The following RBFOX1 variants were observed in gnomAD, a reference collection of about 807,000 sequenced individuals.
The protein encoded by RBFOX1 is RNA binding fox-1 homolog 1.
RBFOX1 carries 8 observed loss-of-function variants against 57.7 expected under a neutral mutation model. The observed-to-expected ratio is 0.14, with a 90% CI of 0.08 to 0.25. The LOEUF is 0.25. Ranked by LOEUF, RBFOX1 falls within the 10% of genes least tolerant of loss-of-function variation. RBFOX1 has a pLI of 1.00. For missense variants in RBFOX1, 611 were observed against 548.5 expected, an observed-to-expected ratio of 1.11 and a Z score of -1.14; for synonymous variants, 326 against 222.4, an observed-to-expected ratio of 1.47 and a Z score of -4.15.
At chr16:6,791,736 G>T (rs773206532) in intron 3 of RBFOX1, among the ~76,000 whole-genome samples, 11 of 152,060 alleles carry the variant, frequency 7.2e-5, no homozygotes, top group Non-Finnish European at 1.6e-4. Flanking sequence ...ACTGCAGCCT[G>T]GGGGAAAGAG....
At chr16:6,978,243 C>A (rs972325519) in intron 3 of RBFOX1, among the ~76,000 whole-genome samples, 1 of 152,162 alleles carries the variant, frequency 6.6e-6, no homozygotes, top group African/African-American at 2.4e-5. Flanking sequence ...AGTTTCTAGC[C>A]TTGGAGAGCG....
chr16:5,656,331 C>T (rs1464633406), intron 3 of RBFOX1, among the ~76,000 whole-genome samples: 2 of 152,056 alleles, frequency 1.3e-5, no homozygotes, highest in African/African-American at 2.4e-5. Context: ...TCATTAAAAT[C>T]GTTATTTTTG....
intron 14 of RBFOX1, among the ~76,000 whole-genome samples, chr16:7,679,715 C>T (rs1426659127): frequency 2.0e-5 from 3 of 151,898 alleles, no homozygotes; most frequent in Admixed American, 6.6e-5. Flanking sequence ...TAATGGGCAC[C>T]TTGCAACTCC....
chr16:6,712,131 A>G (rs1486199342), intron 3 of RBFOX1, among the ~76,000 whole-genome samples: 1 of 152,190 alleles, frequency 6.6e-6, no homozygotes, highest in African/African-American at 2.4e-5. Context: ...TATTTATTGA[A>G]TGAATGAATG....
chr16:6,978,843 T>A (rs2087840463), intron 3 of RBFOX1, among the ~76,000 whole-genome samples: 1 of 152,190 alleles, frequency 6.6e-6, no homozygotes, highest in Non-Finnish European at 1.5e-5. Flanking sequence ...TTCAATCCCC[T>A]TCGCGCAGAG....
rs1045596467 is a variant in RBFOX1, at chr16:5,396,558, C to G, written c.220-70658C>G. Among the ~76,000 whole-genome samples, 3 of 152,182 alleles carry G rather than the reference C, an allele frequency of 2.0e-5. No homozygotes were observed. In the East Asian group the frequency reaches 5.8e-4, roughly 29 times the overall value. On this transcript the variant is annotated intron_variant, in intron 1 of 2. Coordinates refer to the RBFOX1 transcript ENST00000585867. Reference sequence around the variant, plus strand: ...TCAGGAGGCTGAGGCACAAGAATCACTTGAACTCAGGCGGCAGAGGTTGCA... The same window carrying G: ...TCAGGAGGCTGAGGCACAAGAATCAGTTGAACTCAGGCGGCAGAGGTTGCA...
At chr16:6,324,032 C>CA (rs1257454904) in intron 2 of RBFOX1, among the ~76,000 whole-genome samples, 1 of 152,182 alleles carries the variant, frequency 6.6e-6, no homozygotes, top group African/African-American at 2.4e-5. Flanking sequence ...CTCAGCCTCC[C>CA]AAAGTGCTGA....
intron 4 of RBFOX1, among the ~76,000 whole-genome samples, chr16:7,229,645 GAGAGAGAGGGAGGAAGGGCAAAGGA>G: frequency 1.0e-5 from 1 of 99,952 alleles, no homozygotes; most frequent in Non-Finnish European, 2.3e-5. Context: ...GGAAGGAAGG[GAGAGAGAGGGAGGAAGGGCAAAGGA>G]AGTAAGGGAG....
intron 7 of RBFOX1, among the ~76,000 whole-genome samples, chr16:7,589,505 T>C (rs1173929448): frequency 6.6e-6 from 1 of 151,782 alleles, no homozygotes; most frequent in African/African-American, 2.4e-5. Flanking sequence ...CTTTTTTTGG[T>C]CTTTATTCTT....
intron 3 of RBFOX1, among the ~76,000 whole-genome samples, chr16:6,967,049 C>G (rs932474087): frequency 2.0e-5 from 3 of 152,144 alleles, no homozygotes; most frequent in Non-Finnish European, 2.9e-5. Context: ...TGCATCCACC[C>G]TCCATCTATC....
chr16:6,983,633 TC>T (rs943182849), intron 3 of RBFOX1: 2 of 152,350 alleles, frequency 1.3e-5, no homozygotes, highest in African/African-American at 4.8e-5. Context: ...TCTTAATTTT[TC>T]GCAGGCTTAA....
intron 1 of RBFOX1, among the ~76,000 whole-genome samples, chr16:6,201,629 T>A (rs1454416020): frequency 2.6e-5 from 4 of 152,128 alleles, no homozygotes; most frequent in African/African-American, 9.7e-5. Context: ...TATAGTTAAC[T>A]ATATTTTAGT....
At chr16:7,643,874 C>A (rs1195686928) in intron 11 of RBFOX1, among the ~76,000 whole-genome samples, 1 of 152,102 alleles carries the variant, frequency 6.6e-6, no homozygotes, top group Non-Finnish European at 1.5e-5. Flanking sequence ...CACACACAGA[C>A]CCTCTAATGT....
At chr16:5,273,852 C>G (rs1205550650) in intron 1 of RBFOX1, among the ~76,000 whole-genome samples, 1 of 152,006 alleles carries the variant, frequency 6.6e-6, no homozygotes. Flanking sequence ...GTGTGTGAGC[C>G]CAGAATTCTT....
chr16:7,493,556 C>G (rs531676082), intron 4 of RBFOX1, among the ~76,000 whole-genome samples: 1 of 151,834 alleles, frequency 6.6e-6, no homozygotes, highest in South Asian at 2.1e-4. Context: ...ACAGTACTTA[C>G]AAGGGGGAAC....
At chr16:5,679,516 C>A (rs889700199) in intron 3 of RBFOX1, among the ~76,000 whole-genome samples, 4 of 152,054 alleles carry the variant, frequency 2.6e-5, no homozygotes, top group Non-Finnish European at 5.9e-5. Flanking sequence ...CCCCCACCCC[C>A]CGACAGGTCC....
At chr16:5,471,510 C>T (rs563739996) in intron 2 of RBFOX1, among the ~76,000 whole-genome samples, 2 of 152,140 alleles carry the variant, frequency 1.3e-5, no homozygotes, top group East Asian at 1.9e-4. Context: ...AAGATGAGAC[C>T]CTTCCCAGGT....
At chr16:6,662,232 A>G (rs1034602144) in intron 3 of RBFOX1, among the ~76,000 whole-genome samples, 1 of 152,180 alleles carries the variant, frequency 6.6e-6, no homozygotes, top group African/African-American at 2.4e-5. Context: ...TGAGAGTTTA[A>G]TTAATGTGTT....
Position 6,541,287 on chromosome 16 carries a change from C to T in RBFOX1, c.-63-113316C>T, listed in dbSNP as rs2096813661. Among the ~76,000 whole-genome samples the T allele has an allele frequency of 5.3e-5, 8 of 152,308 alleles. No homozygotes were observed. The South Asian group carries it at 1.7e-3, about 32-fold the overall frequency. Reference sequence around the variant, plus strand: ...GGAACTTTGACATGAAGATATTCAACCTCCCAATGGTAGAAATAGGTGACT... The same window carrying T: ...GGAACTTTGACATGAAGATATTCAATCTCCCAATGGTAGAAATAGGTGACT... On this transcript the variant is annotated intron_variant, in intron 2 of 15. Coordinates refer to ENST00000550418, the MANE Select transcript of RBFOX1 (RefSeq NM_018723.4).
Sources: allele counts gnomAD v4.1 joint callset (sites outside exome capture counted in the v4.1 genomes callset), GRCh38; gene constraint gnomAD v4.1.1; transcripts MANE v1.5; gene names NCBI Gene and HGNC (gene_info 2026-07-23, HGNC 2026-07-21).